Variants in IK observed in about 807,000 individuals in gnomAD.
IK encodes protein Red.
Under a neutral mutation model 90.9 loss-of-function variants are expected in IK, and 47 were observed. The ratio of observed to expected loss-of-function variants is 0.52; its 90% CI spans 0.41 to 0.66. The LOEUF is 0.66. Ranked by LOEUF, IK falls within the 30% of genes least tolerant of loss-of-function variation. The pLI, the probability that IK is intolerant of heterozygous loss-of-function variation, is 0.00. For missense variants in IK, 385 were observed against 709.3 expected (o/e 0.54, Z 5.19); for synonymous variants, 201 against 227.5 (o/e 0.88, Z 1.05).
chr5:140,648,036 GTGTGTGTGTATGTATGTA>G (rs1561968523), intron 1 of IK, 112 bp downstream of exon 1: 2 of 1,000,648 alleles, frequency 2.0e-6, no homozygotes, highest in Admixed American at 1.9e-5. Flanking sequence ...GTGTGTGTGT[GTGTGTGTGTATGTATGTA>G]TGTGTGACGC....
In IK at chr5:140,654,598, T is replaced by C. The variant is rs2149806555; in HGVS notation, c.590+12T>C. The C allele has an allele frequency of 3.8e-6, 6 of 1,586,976 alleles. No homozygotes were observed. The East Asian group carries it at 1.4e-4, about 36-fold the overall frequency. On this transcript the variant is annotated intron_variant, in intron 7 of 19. Coordinates refer to ENST00000417647, the MANE Select transcript of IK (RefSeq NM_006083.4). ...CAGAAAGAAACCAAGTAAGTAAATA[T>C]TATGGAAAGGTTGAGAATTTAGAAA...
In IK at chr5:140,659,121, A is replaced by C; in HGVS notation, c.1133A>C (p.Lys378Thr). 1.9e-6 allele frequency: 3 copies of C among 1,602,622 alleles called. No homozygotes were observed. The highest frequency in any genetic ancestry group is 2.2e-5 in the South Asian group (2 of 89,996). The change falls in exon 12 of 20, where the codon AAG becomes ACG. Residue 378 changes from lysine (K) to threonine (T), a missense_variant. This residue lies in a region of IK where 139 missense variants were observed against 172.0 expected (regional missense o/e 0.81). Coordinates refer to ENST00000417647, the MANE Select transcript of IK (RefSeq NM_006083.4). ...CGGGACCGAGAGAGAGAAGAGGAAA[A>C]GAAGAGACACAGCTACTTTGAGAAG... ...RERDREREEE[K>T]KRHSYFEKPK...
At position 140,661,582 on chromosome 5, in the gene IK, C is replaced by T. The variant is rs760171425; in HGVS notation, c.1414-38C>T. The T allele has an allele frequency of 7.0e-6, 10 of 1,426,316 alleles. No individual in the cohort carries two copies. Among genetic ancestry groups the T allele is most frequent in the African/African-American group, 2.8e-5 (2 of 70,900 alleles). The allele number at this position is 1,426,316 out of a possible 1,614,324, so 88.4% of individuals were successfully genotyped here. On this transcript the variant is annotated intron_variant, in intron 16 of 19. Transcript: ENST00000417647. This position sits in a 1 kb window ranked among gnomAD's most constrained non-coding sequence, Gnocchi z 4.2. Reference sequence around the variant, plus strand: ...GCTGAAATTCCATTTCCACTGACATCTCTTCCTTCCCCATCCCCCGATTCT... The same window carrying T: ...GCTGAAATTCCATTTCCACTGACATTTCTTCCTTCCCCATCCCCCGATTCT...
intron 2 of IK, among the ~76,000 whole-genome samples, chr5:140,651,257 G>T (rs1757611867): frequency 6.6e-6 from 1 of 151,312 alleles, no homozygotes; most frequent in South Asian, 2.1e-4. Context: ...TTTGGGACCA[G>T]CCTGGCCAAC....
intron 19 of IK, 22 bp downstream of exon 19, chr5:140,662,235 C>T (rs775562040): frequency 6.2e-7 from 1 of 1,613,970 alleles, no homozygotes; most frequent in South Asian, 1.1e-5. Context: ...TATTCTTCCT[C>T]TGTGGGACTG....
chr5:140,647,986 G>T, intron 1 of IK, 62 bp downstream of exon 1: 1 of 1,522,530 alleles, frequency 6.6e-7, no homozygotes, highest in Non-Finnish European at 9.1e-7. Context: ...GCGCATTATT[G>T]TAGCTTCTGA....
At chr5:140,648,007 GGTGTGTGTGTGTGTGTGTGT>G (rs762057029) in intron 1 of IK, 83 bp downstream of exon 1, 14 of 931,550 alleles carry the variant, frequency 1.5e-5, no homozygotes, top group East Asian at 7.6e-5. Flanking sequence ...GCTTAAGCCG[GGTGTGTGTGTGTGTGTGTGT>G]GTGTGTGTGT....
rs533240703 is a variant in IK, at chr5:140,654,121, TGAG to T, written c.519+74_519+76del. On this transcript the variant is annotated intron_variant, in intron 6 of 19. Transcript: ENST00000417647. ...ATGCTCTTGTATGGGTCTGGCAAGA[TGAG>T]GAGGGAGATTCCTGAGAGTTCAGAC... The T allele has an allele frequency of 8.9e-5, 78 of 871,848 alleles. No individual in the cohort carries two copies. The East Asian group carries it at 1.0e-3, about 12-fold the overall frequency. The allele number at this position is 871,848 out of a possible 1,614,324, so 54.0% of individuals were successfully genotyped here.
intron 9 of IK, 24 bp from the exon 10 acceptor site, chr5:140,657,530 A>G (rs376819795): frequency 2.1e-5 from 32 of 1,510,312 alleles, no homozygotes; most frequent in Non-Finnish European, 2.6e-5. Context: ...GTGGTTTAAC[A>G]TTCTTGTTTC....
At chr5:140,659,364 C>A in intron 13 of IK, 31 bp downstream of exon 13, 1 of 1,613,220 alleles carries the variant, frequency 6.2e-7, no homozygotes, top group African/African-American at 1.3e-5. Flanking sequence ...CTCACAGTTG[C>A]TCTAGCAGTC....
At position 140,660,397 on chromosome 5, in the gene IK, A is replaced by G. The variant is rs552720602; in HGVS notation, c.1355+202A>G. 6.8e-5 allele frequency: 37 copies of G among 544,022 alleles called. No individual in the cohort carries two copies. In the East Asian group the frequency reaches 9.9e-4, roughly 15 times the overall value. 33.7% of individuals were successfully genotyped at this position (544,022 alleles called of 1,614,324 possible). ...GCTGCAATCTCCATCTCCCGGGTTC[A>G]AGCGATTCTCCTGCCTCACCCTCCC... On this transcript the variant is annotated intron_variant, in intron 15 of 19. Transcript: ENST00000417647.
intron 2 of IK, chr5:140,649,038 T>A (rs1398016973): frequency 1.2e-5 from 2 of 169,308 alleles, no homozygotes; most frequent in African/African-American, 4.8e-5. Flanking sequence ...GGTTTCTCCA[T>A]GTTGATCAGG....
chr5:140,648,741 G>GTTTTT, intron 2 of IK: 3 of 466,346 alleles, frequency 6.4e-6, no homozygotes, highest in Non-Finnish European at 3.8e-6. Flanking sequence ...AAGGTGTTAA[G>GTTTTT]TTTTTTTTTT....
chr5:140,648,456 A>C lies in IK; in HGVS notation c.17-15A>C, dbSNP rs1757536852. ...GTAAGAGACTGATTAAATTAACGTC[A>C]ATTTTTTTTGTCAGGTGAGCCGTTC... On this transcript the variant is annotated splice_polypyrimidine_tract_variant and intron_variant, in intron 1 of 19. Transcript: ENST00000417647. 6.2e-7 allele frequency: 1 copy of C among 1,613,518 alleles called. No individual in the cohort carries two copies.
chr5:140,652,887 T>C lies in IK; in HGVS notation c.237-90T>C, dbSNP rs1023117973. The C allele has an allele frequency of 5.9e-6, 7 of 1,180,392 alleles. No individual in the cohort carries two copies. In the East Asian group the frequency reaches 1.7e-4, roughly 29 times the overall value. 73.1% of individuals were successfully genotyped at this position (1,180,392 alleles called of 1,614,324 possible). A position where few individuals can be genotyped will look rare whatever the true frequency, so the allele number is the denominator to read the frequency against. On this transcript the variant is annotated intron_variant, in intron 4 of 19. Transcript: ENST00000417647. ...GAGCTTTTCCCCATAGAGAGTAGGTTGGAGATGTAGGGAAGCAAGCAGGAA... is the reference window on the plus strand; with the variant it reads ...GAGCTTTTCCCCATAGAGAGTAGGTCGGAGATGTAGGGAAGCAAGCAGGAA...
chr5:140,659,554 G>A (rs747144320), intron 13 of IK, among the ~76,000 whole-genome samples: 1 of 152,194 alleles, frequency 6.6e-6, no homozygotes, highest in Non-Finnish European at 1.5e-5. Flanking sequence ...GGGGTTCTGA[G>A]GAGGTGAGGT....
At chr5:140,648,755 T>TTA in intron 2 of IK, 2 of 542,108 alleles carry the variant, frequency 3.7e-6, no homozygotes, top group Non-Finnish European at 6.6e-6. Flanking sequence ...TTTTTTTTTT[T>TTA]TATACGTGTT....
In IK at chr5:140,662,309, G is replaced by A. The variant is rs1757811650; in HGVS notation, c.1654G>A (p.Val552Ile). ...TTTCTCCTTCCATTGCAGGGTTGAA[G>A]TCAAAAGACCAAAATACTAATCACT... ...RKKMEADGVEVKRPKY is the reference protein window; with the variant it reads ...RKKMEADGVEIKRPKY The change falls in exon 20 of 20, where the codon GTC becomes ATC. Residue 552 changes from valine to isoleucine, a missense_variant. This residue lies in a region of IK where 29 missense variants were observed against 41.8 expected (regional missense o/e 0.69). Transcript: ENST00000417647. The A allele has an allele frequency of 6.2e-7, 1 of 1,614,024 alleles. No homozygotes were observed. Among genetic ancestry groups the A allele is most frequent in the Non-Finnish European group, 8.5e-7 (1 of 1,179,896 alleles).
At chr5:140,649,576 C>T (rs1315012477) in intron 2 of IK, among the ~76,000 whole-genome samples, 1 of 152,036 alleles carries the variant, frequency 6.6e-6, no homozygotes, top group Non-Finnish European at 1.5e-5. Context: ...CCTCCCGTTG[C>T]CCAGGCTGGA....
Sources: allele counts gnomAD v4.1 joint callset (sites outside exome capture counted in the v4.1 genomes callset), GRCh38; gene constraint gnomAD v4.1.1; regional missense constraint gnomAD v4.1.1; non-coding constraint Gnocchi (gnomAD v3.1); transcripts MANE v1.5; gene names NCBI Gene and HGNC (gene_info 2026-07-23, HGNC 2026-07-21).